The following RALGAPA2 variants were observed in gnomAD, a reference collection of about 807,000 sequenced individuals.
The protein encoded by RALGAPA2 is Ral GTPase activating protein catalytic subunit alpha 2.
A neutral mutation model predicts 230.4 loss-of-function variants in RALGAPA2; 139 were observed. The observed-to-expected ratio is 0.60, with a 90% CI of 0.53 to 0.69. RALGAPA2 has a LOEUF of 0.69. RALGAPA2 is among the 30% of genes least tolerant of loss of function. The pLI is 0.00. For missense variants in RALGAPA2, 2,163 were observed against 2,276.0 expected, an observed-to-expected ratio of 0.95 and a Z score of 1.01; for synonymous variants, 847 against 837.8, an observed-to-expected ratio of 1.01 and a Z score of -0.19.
At chr20:20,498,653 C>T (rs1022770606) in intron 35 of RALGAPA2, among the ~76,000 whole-genome samples, 1 of 152,182 alleles carries the variant, frequency 6.6e-6, no homozygotes, top group Admixed American at 6.5e-5. Context: ...ACAGTGTGCC[C>T]ATCCTAAAAT....
chr20:20,487,601 C>A (rs1028463593), intron 36 of RALGAPA2, among the ~76,000 whole-genome samples: 1 of 152,158 alleles, frequency 6.6e-6, no homozygotes, highest in African/African-American at 2.4e-5. Context: ...CCAGGCCAGA[C>A]AGGCTGTGTG....
intron 26 of RALGAPA2, among the ~76,000 whole-genome samples, chr20:20,532,214 C>A (rs1352291638): frequency 6.6e-6 from 1 of 152,176 alleles, no homozygotes; most frequent in African/African-American, 2.4e-5. Context: ...ACCTATACCA[C>A]AAACATAAAA....
chr20:20,677,045 A>G (rs1403783740), intron 2 of RALGAPA2, among the ~76,000 whole-genome samples: 2 of 150,524 alleles, frequency 1.3e-5, no homozygotes, highest in Non-Finnish European at 2.9e-5. Context: ...AATGAAGTAG[A>G]TATCATTCAT....
chr20:20,506,010 T>C (rs2062522983), intron 33 of RALGAPA2, among the ~76,000 whole-genome samples: 1 of 152,210 alleles, frequency 6.6e-6, no homozygotes, highest in African/African-American at 2.4e-5. Context: ...GGCTACTGGG[T>C]GGCTCTGTGA....
chr20:20,508,796 G>A (rs6046903), intron 33 of RALGAPA2, among the ~76,000 whole-genome samples: 14 of 152,320 alleles, frequency 9.2e-5, no homozygotes, highest in South Asian at 6.2e-4. Flanking sequence ...AAAAGATCTT[G>A]AAAATACCCT....
At chr20:20,589,474 G>T (rs57023914) in intron 17 of RALGAPA2, 109 bp from the exon 18 acceptor site, 13 of 1,222,522 alleles carry the variant, frequency 1.1e-5, no homozygotes, top group East Asian at 1.0e-4. Context: ...ATATTCTAAG[G>T]TATGTAAAAA....
chr20:20,620,341 A>G, intron 11 of RALGAPA2, 122 bp downstream of exon 11: 1 of 1,000,432 alleles, frequency 1.0e-6, no homozygotes, highest in Middle Eastern at 2.9e-4. Flanking sequence ...ACTCAGAAGC[A>G]TCAGATGGGA....
At chr20:20,579,636 T>G (rs2064925270) in intron 20 of RALGAPA2, among the ~76,000 whole-genome samples, 1 of 152,194 alleles carries the variant, frequency 6.6e-6, no homozygotes, top group Non-Finnish European at 1.5e-5. Context: ...TAGCTATTTT[T>G]TAAAAAAAAT....
rs552621060 is a variant in RALGAPA2 at position 20,525,226 on chromosome 20, A to G, written c.3694-328T>C. Among the ~76,000 whole-genome samples the G allele has an allele frequency of 1.3e-3, 191 of 152,324 alleles. 1 individual carries two copies. Among genetic ancestry groups the G allele is most frequent in the African/African-American group, 4.3e-3 (177 of 41,560 alleles). On this transcript the variant is annotated intron_variant, in intron 28 of 39. Coordinates refer to ENST00000202677, the MANE Select transcript of RALGAPA2 (RefSeq NM_020343.4). ...AAGTAAAAAAATACTTCTAAAAATAATTATGAAAATGCTCCCATTTTAGTT... is the reference window on the plus strand; with the variant it reads ...AAGTAAAAAAATACTTCTAAAAATAGTTATGAAAATGCTCCCATTTTAGTT...
intron 1 of RALGAPA2, among the ~76,000 whole-genome samples, chr20:20,688,761 A>C (rs561559057): frequency 2.6e-4 from 40 of 152,348 alleles, no homozygotes; most frequent in African/African-American, 9.1e-4. Context: ...ATTTAGATAT[A>C]CAGAGAGGCT....
intron 4 of RALGAPA2, among the ~76,000 whole-genome samples, chr20:20,648,143 T>C (rs1199353163): frequency 6.6e-6 from 1 of 152,242 alleles, no homozygotes; most frequent in East Asian, 1.9e-4. Context: ...AATGGAATAC[T>C]GTACTACTCA....
chr20:20,586,295 A>G (rs548599737), intron 18 of RALGAPA2, among the ~76,000 whole-genome samples: 2 of 152,326 alleles, frequency 1.3e-5, no homozygotes, highest in African/African-American at 2.4e-5. Context: ...GGTAAATCCA[A>G]TAGTACCACT....
rs936415758 is a variant in RALGAPA2, at chr20:20,639,703, T to A, written c.666+82A>T. On this transcript the variant is annotated intron_variant, in intron 7 of 39. Transcript: ENST00000202677. ...GAAAAAGAAAGAGGAAAAATATAGA[T>A]ACACAGAGGGAAAAGAGGCAATATT... is the stretch of plus-strand genomic sequence containing the variant. The A allele has an allele frequency of 4.2e-6, 4 of 963,428 alleles. No homozygotes were observed. In the African/African-American group the frequency reaches 6.5e-5, roughly 16 times the overall value. The allele number at this position is 963,428 out of a possible 1,614,324, so 59.7% of individuals were successfully genotyped here.
chr20:20,610,853 C>A (rs1018255028), intron 14 of RALGAPA2, among the ~76,000 whole-genome samples: 3 of 152,184 alleles, frequency 2.0e-5, no homozygotes, highest in Non-Finnish European at 4.4e-5. Flanking sequence ...ACCCAGGATA[C>A]ACACTCCTCT....
intron 24 of RALGAPA2, among the ~76,000 whole-genome samples, chr20:20,543,312 C>T (rs575517814): frequency 6.6e-6 from 1 of 151,790 alleles, no homozygotes; most frequent in Non-Finnish European, 1.5e-5. Flanking sequence ...CCTAAAGTGT[C>T]GGGATTACAG....
chr20:20,710,656 A>G (rs1463368182), intron 1 of RALGAPA2, among the ~76,000 whole-genome samples: 1 of 152,204 alleles, frequency 6.6e-6, no homozygotes, highest in African/African-American at 2.4e-5. Context: ...CTAAAATAAG[A>G]CCTACACCTT....
chr20:20,624,437 A>T (rs2066427626), intron 10 of RALGAPA2, among the ~76,000 whole-genome samples: 1 of 152,200 alleles, frequency 6.6e-6, no homozygotes. Context: ...TCAATGACAA[A>T]ACAAGGCCAA....
chr20:20,402,944 TGG>T lies in RALGAPA2; in HGVS notation c.5618-6212_5618-6211del, dbSNP rs542449923. Among the ~76,000 whole-genome samples the T allele has an allele frequency of 4.6e-5, 7 of 152,342 alleles. No individual in the cohort carries two copies. The South Asian group carries it at 1.4e-3, about 32-fold the overall frequency. ...CTGGCTCACTCAGCTCTAAGGAGGC[TGG>T]GCTCCTTGTTCCTTGATTGTGCCAG... On this transcript the variant is annotated intron_variant, in intron 38 of 39. Transcript: ENST00000202677.
rs982848146 is a variant in RALGAPA2, at chr20:20,406,040, C to G, written c.5617+5987G>C. ...CACGCAGGATAAAGGCTTACATATG[C>G]TAAGGAAAATCAAGATATATGTAAC... On this transcript the variant is annotated intron_variant, in intron 38 of 39. Coordinates refer to ENST00000202677, the MANE Select transcript of RALGAPA2 (RefSeq NM_020343.4). Among the ~76,000 whole-genome samples the G allele has an allele frequency of 3.3e-5, 5 of 152,274 alleles. No individual in the cohort carries two copies. In the East Asian group the frequency reaches 9.7e-4, roughly 29 times the overall value.
Sources: gnomAD v4.1 joint callset for allele counts (sites outside exome capture counted in the v4.1 genomes callset) on GRCh38, gnomAD v4.1.1 for gene constraint, MANE v1.5 for transcripts, NCBI Gene and HGNC (gene_info 2026-07-23, HGNC 2026-07-21) for gene names.